NEDD4: variants seen among roughly 807,000 people sequenced by gnomAD.
The protein encoded by NEDD4 is NEDD4 E3 ubiquitin protein ligase, also known as E3 ubiquitin-protein ligase NEDD4.
Under a neutral mutation model 144.9 loss-of-function variants are expected in NEDD4, and 99 were observed. The observed-to-expected ratio is 0.68, with a 90% CI of 0.58 to 0.81. NEDD4 has a LOEUF of 0.81. Among genes scored for constraint, NEDD4 ranks in the 30% least tolerant of loss-of-function variants. The pLI, the probability that NEDD4 is intolerant of heterozygous loss-of-function variation, is 0.00. For missense variants in NEDD4, 985 were observed against 1,065.9 expected (o/e 0.92, Z 1.06); for synonymous variants, 318 against 350.6 (o/e 0.91, Z 1.04).
chr15:55,979,906 T>A (rs1246283109), intron 1 of NEDD4, among the ~76,000 whole-genome samples: 1 of 150,942 alleles, frequency 6.6e-6, no homozygotes, highest in Non-Finnish European at 1.5e-5. Flanking sequence ...CTTTTATAAT[T>A]ATAATTATTA....
At chr15:55,982,596 C>A (rs73420363) in intron 1 of NEDD4, among the ~76,000 whole-genome samples, 2,542 of 152,220 alleles carry the variant, frequency 0.017, 76 homozygotes, top group African/African-American at 0.058. Flanking sequence ...GCAGAATTGA[C>A]TGGAAGAGGG....
At chr15:55,939,134 A>AAAC (rs1175637752) in intron 4 of NEDD4, among the ~76,000 whole-genome samples, 2 of 151,904 alleles carry the variant, frequency 1.3e-5, no homozygotes, top group East Asian at 1.9e-4. Flanking sequence ...AAACAAAAAA[A>AAAC]CCCACCACCA....
chr15:55,852,465 G>C lies in NEDD4; in HGVS notation c.1105C>G (p.His369Asp). 2 of 1,612,764 alleles carry C rather than the reference G, an allele frequency of 1.2e-6. No homozygotes were observed. The highest frequency in any genetic ancestry group is 1.7e-6 in the Non-Finnish European group (2 of 1,179,312). ...DERGRSYYVD[H>D]NSRTTTWTKP... ...GTCCAAGTAGTCGTTCTGGAATTGT[G>C]ATCTACATAATATGATCTTCCTCTT... The change falls in exon 13 of 29, where the codon CAC becomes GAC. Residue 369 changes from histidine (H) to aspartate (D), a missense_variant. Transcript: ENST00000435532.
chr15:55,939,011 G>A (rs1199316766), intron 4 of NEDD4, among the ~76,000 whole-genome samples: 1 of 152,112 alleles, frequency 6.6e-6, no homozygotes, highest in Non-Finnish European at 1.5e-5. Context: ...GGAGGCTGAG[G>A]TAGGCCATCA....
intron 24 of NEDD4, 67 bp downstream of exon 24, chr15:55,837,722 C>A: frequency 1.8e-6 from 2 of 1,093,440 alleles, no homozygotes; most frequent in Non-Finnish European, 2.7e-6. Flanking sequence ...TGTGATGAGG[C>A]CTAATATTTG....
At chr15:55,879,762 A>T (rs1196823814) in intron 5 of NEDD4, among the ~76,000 whole-genome samples, 1 of 152,178 alleles carries the variant, frequency 6.6e-6, no homozygotes, top group Non-Finnish European at 1.5e-5. Flanking sequence ...AGAAATAAAA[A>T]ATATAACTCA....
intron 5 of NEDD4, among the ~76,000 whole-genome samples, chr15:55,917,293 T>C (rs1465525673): frequency 6.6e-6 from 1 of 152,204 alleles, no homozygotes; most frequent in African/African-American, 2.4e-5. Flanking sequence ...TCACAGTGCC[T>C]ATACTTTCTC....
At chr15:55,990,028 A>T (rs1387834814) in intron 1 of NEDD4, among the ~76,000 whole-genome samples, 1 of 151,880 alleles carries the variant, frequency 6.6e-6, no homozygotes, top group East Asian at 1.9e-4. Context: ...TGTACCCCTT[A>T]TAAGAATCTA....
intron 1 of NEDD4, among the ~76,000 whole-genome samples, chr15:55,975,046 C>T (rs913930344): frequency 1.3e-5 from 2 of 151,620 alleles, no homozygotes; most frequent in African/African-American, 2.4e-5. Flanking sequence ...GTGTGCGATA[C>T]CACACCCGGG....
Position 55,841,972 on chromosome 15 carries a change from C to T in NEDD4, c.1800G>A (p.Met600Ile). The T allele has an allele frequency of 6.2e-7, 1 of 1,614,146 alleles. No homozygotes were observed. The highest frequency in any genetic ancestry group is 1.1e-5 in the South Asian group (1 of 91,084). Residue 600 changes from methionine to isoleucine, a missense_variant, in exon 19 of 29, where the codon ATG (methionine) becomes ATA (isoleucine). Met to Ile is a conservative substitution (Grantham distance 10). Transcript: ENST00000435532. ...REWFFLISKE[M>I]FNPYYGLFEY... ...CAAACAACCCATAATAAGGGTTAAA[C>T]ATTTCCTTTGAGATCAGGAAGAACC...
At chr15:55,988,487 T>TAAAAAAAAAAAAAAA (rs56688563) in intron 1 of NEDD4, among the ~76,000 whole-genome samples, 176 of 101,624 alleles carry the variant, frequency 1.7e-3, no homozygotes, top group Non-Finnish European at 2.1e-3. Context: ...AAAAAAAAAT[T>TAAAAAAAAAAAAAAA]AAAAAAAAAA....
intron 4 of NEDD4, among the ~76,000 whole-genome samples, chr15:55,925,975 A>T (rs1479169148): frequency 6.6e-6 from 1 of 152,036 alleles, no homozygotes; most frequent in Non-Finnish European, 1.5e-5. Flanking sequence ...TATATGTAAA[A>T]ATACATATAC....
chr15:55,876,093 C>T (rs1369379693), intron 5 of NEDD4, among the ~76,000 whole-genome samples: 2 of 152,154 alleles, frequency 1.3e-5, no homozygotes, highest in Non-Finnish European at 2.9e-5. Context: ...CAGAAGACAA[C>T]TGAATGATAT....
chr15:55,900,359 A>G (rs540799182), intron 5 of NEDD4, among the ~76,000 whole-genome samples: 1 of 152,328 alleles, frequency 6.6e-6, no homozygotes, highest in East Asian at 1.9e-4. Flanking sequence ...GAGAAGAGCT[A>G]AGTCAGTGAA....
At position 55,856,131 on chromosome 15, in the gene NEDD4, C is replaced by T; in HGVS notation, c.1026G>A (p.Val342=). ...YTFEEQPTLP[V]LLPTSSGLPP... is the part of the protein sequence containing the mutation. ...ATTGATGGGAGAGGGTAAAACTCAC[C>T]ACAGGAAGTGTAGGTTGTTCCTCAA... Residue 342 remains valine, a splice_region_variant and synonymous_variant, in exon 12 of 29, where the codon GTG becomes GTA. Coordinates refer to ENST00000435532, the MANE Select transcript of NEDD4 (RefSeq NM_006154.4). 1.9e-6 allele frequency: 3 copies of T among 1,611,820 alleles called. No homozygotes were observed. In the African/African-American group the frequency reaches 4.0e-5, roughly 22 times the overall value.
rs1555401925 is a variant in NEDD4 at position 55,903,839 on chromosome 15, A to AC, written c.291+20806_291+20807insG. ...GACTCCATCTCAAAAAAAAAAAAAA[A>AC]ACACACATATATATATATATATATA... On this transcript the variant is annotated intron_variant, in intron 5 of 28. Coordinates refer to ENST00000435532, the MANE Select transcript of NEDD4 (RefSeq NM_006154.4). 1.7e-3 allele frequency among the ~76,000 whole-genome samples: 180 copies of AC among 106,182 alleles called. 1 individual carries two copies. The highest frequency in any genetic ancestry group is 0.012 in the South Asian group (42 of 3,484). The allele number at this position is 106,182 out of a possible 152,430, so 69.7% of individuals were successfully genotyped here.
At chr15:55,953,307 A>C (rs1419493230) in intron 2 of NEDD4, among the ~76,000 whole-genome samples, 1 of 151,558 alleles carries the variant, frequency 6.6e-6, no homozygotes, top group Admixed American at 6.6e-5. Context: ...AATTCTTTGA[A>C]TCTCTATAAC....
At chr15:55,851,811 A>G (rs2033993904) in intron 13 of NEDD4, among the ~76,000 whole-genome samples, 1 of 152,142 alleles carries the variant, frequency 6.6e-6, no homozygotes, top group Admixed American at 6.6e-5. Context: ...CCAATCGCCA[A>G]GATTATCTGT....
At chr15:55,893,743 C>G (rs931742105) in intron 5 of NEDD4, among the ~76,000 whole-genome samples, 6 of 148,870 alleles carry the variant, frequency 4.0e-5, no homozygotes. Context: ...ATAATAAAAA[C>G]TATTATTTTA....
Sources: gnomAD v4.1 joint callset for allele counts (sites outside exome capture counted in the v4.1 genomes callset) on GRCh38, gnomAD v4.1.1 for gene constraint, MANE v1.5 for transcripts, NCBI Gene and HGNC (gene_info 2026-07-23, HGNC 2026-07-21) for gene names.